Variants in ADARB2 observed in about 807,000 individuals in gnomAD.
ADARB2 encodes inactive double-stranded RNA-specific editase B2.
ADARB2 carries 25 observed loss-of-function variants against 62.2 expected under a neutral mutation model. That is an observed-to-expected ratio of 0.40 (90% CI 0.29 to 0.56). ADARB2 has a LOEUF of 0.56. ADARB2 is among the 20% of genes least tolerant of loss of function. The pLI is 0.43. For synonymous variants in ADARB2, 572 were observed against 500.8 expected (o/e 1.14, Z -1.90); for missense variants, 1,071 against 1,077.4 (o/e 0.99, Z 0.08).
intron 1 of ADARB2, among the ~76,000 whole-genome samples, chr10:1,457,514 G>A (rs1455067924): frequency 2.6e-5 from 4 of 152,076 alleles, no homozygotes; most frequent in African/African-American, 4.8e-5. Context: ...GCTATGACTC[G>A]GGAAATAAAA....
chr10:1,550,946 G>T (rs1214207604), intron 1 of ADARB2, among the ~76,000 whole-genome samples: 1 of 152,166 alleles, frequency 6.6e-6, no homozygotes, highest in Admixed American at 6.5e-5. Context: ...AAATAAAAAG[G>T]ACGGCAGAAA....
At chr10:1,736,576 GC>G (rs1352718883) in intron 1 of ADARB2, among the ~76,000 whole-genome samples, 1 of 152,262 alleles carries the variant, frequency 6.6e-6, no homozygotes, top group African/African-American at 2.4e-5. Flanking sequence ...AAAACTGCCA[GC>G]CAATTTGGAG....
chr10:1,630,914 C>G (rs1833833896), intron 1 of ADARB2, among the ~76,000 whole-genome samples: 1 of 151,934 alleles, frequency 6.6e-6, no homozygotes, highest in Non-Finnish European at 1.5e-5. Context: ...GAGATCATGC[C>G]ATTGCACTCC....
chr10:1,346,561 G>A lies in ADARB2; in HGVS notation c.1077+16467C>T, dbSNP rs74119533. 9.8e-3 allele frequency among the ~76,000 whole-genome samples: 1,499 copies of A among 152,362 alleles called. 26 individuals carry two copies. The highest frequency in any genetic ancestry group is 0.034 in the African/African-American group (1,430 of 41,594). ...ATTTGTGGGGAGGAAGACATAAAATGCCTCGAGATGTGGCATATTTAAACA... is the reference window on the plus strand; with the variant it reads ...ATTTGTGGGGAGGAAGACATAAAATACCTCGAGATGTGGCATATTTAAACA... On this transcript the variant is annotated intron_variant, in intron 3 of 9. Coordinates refer to ENST00000381312, the MANE Select transcript of ADARB2 (RefSeq NM_018702.4).
chr10:1,417,430 A>C (rs932301461), intron 1 of ADARB2, among the ~76,000 whole-genome samples: 2 of 152,246 alleles, frequency 1.3e-5, no homozygotes, highest in Non-Finnish European at 2.9e-5. Flanking sequence ...TTTCTAAGGC[A>C]CTCTGCTAAT....
intron 1 of ADARB2, among the ~76,000 whole-genome samples, chr10:1,637,587 T>C (rs1002662265): frequency 6.6e-6 from 1 of 152,236 alleles, no homozygotes; most frequent in Admixed American, 6.5e-5. Context: ...TTACAATCCA[T>C]GGCAACATGT....
At chr10:1,257,476 T>A (rs1394525589) in intron 4 of ADARB2, among the ~76,000 whole-genome samples, 4 of 152,124 alleles carry the variant, frequency 2.6e-5, no homozygotes, top group African/African-American at 7.2e-5. Context: ...CACTCAGGGA[T>A]CAGATGCCCA....
At chr10:1,348,538 C>T (rs533309407) in intron 3 of ADARB2, among the ~76,000 whole-genome samples, 6 of 152,286 alleles carry the variant, frequency 3.9e-5, no homozygotes, top group African/African-American at 9.6e-5. Context: ...GTGCCTCCCT[C>T]GGCTGCCTCC....
At chr10:1,200,205 C>G in intron 7 of ADARB2, 58 bp from the exon 8 acceptor site, 1 of 1,542,922 alleles carries the variant, frequency 6.5e-7, no homozygotes, top group Non-Finnish European at 8.8e-7. Flanking sequence ...GAGCCTGGTC[C>G]TCTCTGTCCG....
chr10:1,526,501 T>G (rs1832145163), intron 1 of ADARB2: 1 of 160,894 alleles, frequency 6.2e-6, no homozygotes. Flanking sequence ...TGGTTATGAA[T>G]GAGTTCTTGC....
At chr10:1,460,973 AC>A (rs1407480670) in intron 1 of ADARB2, among the ~76,000 whole-genome samples, 1 of 152,252 alleles carries the variant, frequency 6.6e-6, no homozygotes, top group Non-Finnish European at 1.5e-5. Flanking sequence ...GTTAAAAAAA[AC>A]AATTTTATGT....
At chr10:1,301,891 C>T (rs180865519) in intron 3 of ADARB2, among the ~76,000 whole-genome samples, 10 of 152,324 alleles carry the variant, frequency 6.6e-5, no homozygotes, top group Admixed American at 5.9e-4. Flanking sequence ...TTATCAAAGT[C>T]CCCACAATTG....
intron 1 of ADARB2, among the ~76,000 whole-genome samples, chr10:1,474,537 C>G (rs554093530): frequency 2.0e-5 from 3 of 152,144 alleles, no homozygotes; most frequent in African/African-American, 7.2e-5. Context: ...GTGACACAGC[C>G]GGAGCGGACG....
Position 1,714,564 on chromosome 10 carries a change from C to A in ADARB2, c.100+22487G>T, listed in dbSNP as rs538793341. ...TGTATTCAGCCTGAAGTGGTAAAAGCTACGCCTGGGTCCTAACTCCCTTCT... is the reference window on the plus strand; with the variant it reads ...TGTATTCAGCCTGAAGTGGTAAAAGATACGCCTGGGTCCTAACTCCCTTCT... On this transcript the variant is annotated intron_variant, in intron 1 of 9. Coordinates refer to ENST00000381312, the MANE Select transcript of ADARB2 (RefSeq NM_018702.4). Among the ~76,000 whole-genome samples the A allele has an allele frequency of 3.3e-5, 5 of 152,354 alleles. No individual in the cohort carries two copies. In the South Asian group the frequency reaches 1.0e-3, roughly 32 times the overall value.
intron 4 of ADARB2, among the ~76,000 whole-genome samples, chr10:1,265,473 A>T (rs897010040): frequency 6.6e-6 from 1 of 152,264 alleles, no homozygotes; most frequent in African/African-American, 2.4e-5. Context: ...GGGAGGGAAC[A>T]ACGCTGAACT....
At chr10:1,483,456 G>A (rs980297423) in intron 1 of ADARB2, among the ~76,000 whole-genome samples, 3 of 152,106 alleles carry the variant, frequency 2.0e-5, no homozygotes, top group Admixed American at 6.5e-5. Context: ...CAGTCGTTTC[G>A]TCCTAGCTAT....
intron 3 of ADARB2, among the ~76,000 whole-genome samples, chr10:1,282,946 T>C (rs1023020236): frequency 6.6e-6 from 1 of 152,132 alleles, no homozygotes; most frequent in Admixed American, 6.6e-5. Flanking sequence ...CACCTTCCCA[T>C]CATATCTTTC....
chr10:1,261,124 C>T lies in ADARB2; in HGVS notation c.1192+9831G>A, dbSNP rs1328241043. Among the ~76,000 whole-genome samples the T allele has an allele frequency of 3.2e-5, 4 of 124,294 alleles. 1 individual carries two copies. The Admixed American group carries it at 3.4e-4, about 11-fold the overall frequency. The allele number at this position is 124,294 out of a possible 152,430, so 81.5% of individuals were successfully genotyped here. The stretch of plus-strand genomic sequence containing the variant: ...TATGTAGAAAGCTGAAACTGGATCC[C>T]TTCCTTACACCTTATACAAAAATCA... On this transcript the variant is annotated intron_variant, in intron 4 of 9. Transcript: ENST00000381312.
chr10:1,650,289 C>G (rs921963572), intron 1 of ADARB2, among the ~76,000 whole-genome samples: 4 of 152,138 alleles, frequency 2.6e-5, no homozygotes, highest in Non-Finnish European at 5.9e-5. Flanking sequence ...TGGTTGATGT[C>G]ACTTAAAGGA....
Sources: gnomAD v4.1 joint callset for allele counts (sites outside exome capture counted in the v4.1 genomes callset) on GRCh38, gnomAD v4.1.1 for gene constraint, MANE v1.5 for transcripts, NCBI Gene and HGNC (gene_info 2026-07-23, HGNC 2026-07-21) for gene names.